Variants in USP28 observed in about 807,000 individuals in gnomAD.
The protein encoded by USP28 is ubiquitin specific peptidase 28, also known as ubiquitin carboxyl-terminal hydrolase 28.
In USP28, 113 loss-of-function variants were observed where a neutral mutation model predicts 145.0. The observed-to-expected ratio is 0.78, with a 90% confidence interval of 0.67 to 0.91. USP28 has a LOEUF of 0.91. Among genes scored for constraint, USP28 ranks in the 40% least tolerant of loss-of-function variants. USP28 has a pLI of 0.00. For missense variants in USP28, 1,201 were observed against 1,289.6 expected (o/e 0.93, Z 1.05); for synonymous variants, 447 against 450.9 (o/e 0.99, Z 0.11).
intron 18 of USP28, among the ~76,000 whole-genome samples, chr11:113,807,560 A>G (rs1052016148): frequency 6.6e-6 from 1 of 152,216 alleles, no homozygotes; most frequent in African/African-American, 2.4e-5. Context: ...ACATTTGTTT[A>G]GCTCACTGGA....
At chr11:113,823,551 A>G in intron 12 of USP28, 54 bp downstream of exon 12, 1 of 1,279,116 alleles carries the variant, frequency 7.8e-7, no homozygotes, top group Non-Finnish European at 1.1e-6. Flanking sequence ...AAAACAAATT[A>G]TCTGTTTTTA....
intron 6 of USP28, among the ~76,000 whole-genome samples, chr11:113,833,872 A>C (rs1390381902): frequency 6.6e-6 from 1 of 152,180 alleles, no homozygotes; most frequent in Non-Finnish European, 1.5e-5. Context: ...TGCTAGGAGG[A>C]GGCTACGACC....
Position 113,809,265 on chromosome 11 carries a change from G to A in USP28, c.1973-11C>T. The A allele has an allele frequency of 1.9e-6, 3 of 1,611,444 alleles. No homozygotes were observed. The South Asian group carries it at 3.3e-5, about 18-fold the overall frequency. On this transcript the variant is annotated splice_polypyrimidine_tract_variant and intron_variant, in intron 16 of 24. Transcript: ENST00000003302. ...CAGTTGGGGCTGCCTCTGAGGAAAA[G>A]CAAAGATAGAGTTAAAAGGTCACAA...
At chr11:113,823,092 C>T (rs1014221566) in intron 12 of USP28, among the ~76,000 whole-genome samples, 1 of 152,124 alleles carries the variant, frequency 6.6e-6, no homozygotes, top group Non-Finnish European at 1.5e-5. Flanking sequence ...AACCATTCTA[C>T]AGAAATAGTG....
At chr11:113,857,194 C>T (rs2136653574) in intron 1 of USP28, among the ~76,000 whole-genome samples, 1 of 152,200 alleles carries the variant, frequency 6.6e-6, no homozygotes, top group Non-Finnish European at 1.5e-5. Flanking sequence ...CAGCAATTTC[C>T]CCTGCTTCCA....
chr11:113,863,894 G>A lies in USP28; in HGVS notation c.58-9559C>T, dbSNP rs555296525. On this transcript the variant is annotated intron_variant, in intron 1 of 24. Coordinates refer to ENST00000003302, the Ensembl canonical transcript of USP28. ...CGGGAGGCGGAGCTTGCAGTGAGCC[G>A]AGATCGCGCCACTGCACTCCAGCCT... Among the ~76,000 whole-genome samples, 728 of 147,148 alleles carry A rather than the reference G, an allele frequency of 4.9e-3. 10 individuals are homozygous for A. The highest frequency in any genetic ancestry group is 0.016 in the African/African-American group (641 of 39,708).
At chr11:113,845,360 C>T (rs1490085551) in intron 3 of USP28, among the ~76,000 whole-genome samples, 1 of 150,730 alleles carries the variant, frequency 6.6e-6, no homozygotes, top group Admixed American at 6.6e-5. Flanking sequence ...CACTTGTACC[C>T]GGGAGGTGGA....
intron 19 of USP28, among the ~76,000 whole-genome samples, chr11:113,806,243 T>C (rs578005170): frequency 7.9e-5 from 12 of 152,204 alleles, no homozygotes; most frequent in Admixed American, 5.9e-4. Context: ...CAGTCCTTTT[T>C]ATTTTTAAAG....
At chr11:113,862,765 C>T (rs1423763681) in intron 1 of USP28, among the ~76,000 whole-genome samples, 1 of 151,960 alleles carries the variant, frequency 6.6e-6, no homozygotes, top group East Asian at 1.9e-4. Context: ...TATACCACAC[C>T]AACAGAATGA....
chr11:113,864,887 T>A (rs533516634), intron 1 of USP28, among the ~76,000 whole-genome samples: 2 of 152,220 alleles, frequency 1.3e-5, no homozygotes, highest in African/African-American at 4.8e-5. Context: ...ATGGGGTCTG[T>A]CTCTGTCACC....
intron 12 of USP28, chr11:113,818,096 A>G: frequency 2.7e-6 from 1 of 374,086 alleles, no homozygotes; most frequent in East Asian, 4.2e-5. Context: ...TGCCAGTTAC[A>G]CTTTCTCATG....
intron 3 of USP28, among the ~76,000 whole-genome samples, chr11:113,847,111 G>A (rs1945945551): frequency 6.6e-6 from 1 of 151,936 alleles, no homozygotes; most frequent in South Asian, 2.1e-4. Flanking sequence ...AATGAATCTA[G>A]GTAACAATCA....
chr11:113,855,196 A>G (rs1196003338), intron 1 of USP28, among the ~76,000 whole-genome samples: 1 of 152,232 alleles, frequency 6.6e-6, no homozygotes, highest in East Asian at 1.9e-4. Context: ...TTTTCTCTTC[A>G]TTAACCTAAA....
intron 5 of USP28, among the ~76,000 whole-genome samples, chr11:113,838,525 C>T (rs1404743114): frequency 6.6e-6 from 1 of 152,190 alleles, no homozygotes; most frequent in African/African-American, 2.4e-5. Flanking sequence ...ATTTGTCAGA[C>T]ACATTAAGCA....
intron 10 of USP28, among the ~76,000 whole-genome samples, chr11:113,828,175 C>A (rs962015030): frequency 6.6e-6 from 1 of 152,224 alleles, no homozygotes. Context: ...CCTTCAGATA[C>A]CCTGTCAGCA....
intron 11 of USP28, among the ~76,000 whole-genome samples, chr11:113,826,297 A>AG (rs397949869): frequency 6.9e-6 from 1 of 145,030 alleles, no homozygotes; most frequent in Non-Finnish European, 1.5e-5. Flanking sequence ...AAAAAAAAAA[A>AG]GAAAGAAAGA....
chr11:113,817,582 A>C (rs1941923629), intron 13 of USP28, 76 bp downstream of exon 13: 1 of 1,497,866 alleles, frequency 6.7e-7, no homozygotes, highest in African/African-American at 1.4e-5. Context: ...CTGTCAATCA[A>C]GTACAAAGAT....
At position 113,813,701 on chromosome 11, in the gene USP28, G is replaced by A. The variant is rs1941325049; in HGVS notation, c.1743+184C>T. 2.0e-5 allele frequency: 12 copies of A among 601,136 alleles called. No individual in the cohort carries two copies. The East Asian group carries it at 3.6e-4, about 18-fold the overall frequency. The allele number at this position is 601,136 out of a possible 1,614,324, so 37.2% of individuals were successfully genotyped here. On this transcript the variant is annotated intron_variant, in intron 15 of 24. Coordinates refer to ENST00000003302, the Ensembl canonical transcript of USP28. ...AAGTATGTGTTAGGTCCTGTTTTTG[G>A]TAAAAGGTATATTGCTTTCTTTAGC...
intron 1 of USP28, among the ~76,000 whole-genome samples, chr11:113,864,446 C>A (rs1412976178): frequency 2.6e-5 from 4 of 152,226 alleles, no homozygotes; most frequent in African/African-American, 9.6e-5. Flanking sequence ...CTGCAGTTAG[C>A]AAGCTGGAGA....
Sources: gnomAD v4.1 joint callset for allele counts (sites outside exome capture counted in the v4.1 genomes callset) on GRCh38, gnomAD v4.1.1 for gene constraint, MANE v1.5 for transcripts, NCBI Gene and HGNC (gene_info 2026-07-23, HGNC 2026-07-21) for gene names.